Variants in MTA3 observed in about 807,000 individuals in gnomAD.
MTA3 encodes metastasis-associated protein MTA3.
In MTA3, 34 loss-of-function variants were observed where a neutral mutation model predicts 83.5. The observed-to-expected ratio is 0.41, with a 90% CI of 0.31 to 0.54. The LOEUF (loss-of-function observed/expected upper bound fraction) is 0.54. Ranked by LOEUF, MTA3 falls within the 20% of genes least tolerant of loss-of-function variation. The pLI is 0.33. For missense variants in MTA3, 761 were observed against 726.4 expected (o/e 1.05, Z -0.55); for synonymous variants, 303 against 252.7 (o/e 1.20, Z -1.89).
At chr2:42,732,164 G>A (rs1426058020) in intron 16 of MTA3, among the ~76,000 whole-genome samples, 1 of 152,180 alleles carries the variant, frequency 6.6e-6, no homozygotes, top group African/African-American at 2.4e-5. Context: ...GGGGACTCTG[G>A]CCCCACATTT....
intron 2 of MTA3, among the ~76,000 whole-genome samples, chr2:42,510,567 G>A (rs762489535): frequency 6.6e-6 from 1 of 152,208 alleles, no homozygotes; most frequent in Non-Finnish European, 1.5e-5. Flanking sequence ...TGGGCAAATT[G>A]TGAATTATAT....
chr2:42,738,477 A>G (rs185982639), intron 16 of MTA3, among the ~76,000 whole-genome samples: 251 of 152,312 alleles, frequency 1.6e-3, no homozygotes, highest in African/African-American at 5.8e-3. Context: ...TCTTTACTTC[A>G]ATCTCTTAAT....
At chr2:42,505,307 G>T (rs541434158) in intron 2 of MTA3, among the ~76,000 whole-genome samples, 7 of 152,204 alleles carry the variant, frequency 4.6e-5, no homozygotes, top group Admixed American at 1.3e-4. Context: ...CAGGAGAATC[G>T]CTTGAACCTG....
At chr2:42,496,498 C>T (rs926858280) in intron 2 of MTA3, among the ~76,000 whole-genome samples, 10 of 150,460 alleles carry the variant, frequency 6.6e-5, no homozygotes, top group Admixed American at 1.3e-4. Context: ...CTCCTAGACT[C>T]GGGATGGTAT....
intron 4 of MTA3, among the ~76,000 whole-genome samples, chr2:42,619,371 T>A: frequency 6.6e-6 from 1 of 152,206 alleles, no homozygotes; most frequent in East Asian, 1.9e-4. Context: ...TGTTCCACTT[T>A]TTGTATCTTA....
At chr2:42,640,956 G>T (rs188028052) in intron 5 of MTA3, among the ~76,000 whole-genome samples, 38 of 152,190 alleles carry the variant, frequency 2.5e-4, no homozygotes, top group African/African-American at 8.9e-4. Context: ...CCCCATTCTG[G>T]AACGCAGTGA....
intron 4 of MTA3, among the ~76,000 whole-genome samples, chr2:42,622,400 G>C (rs1292752669): frequency 6.1e-5 from 9 of 148,412 alleles, no homozygotes; most frequent in African/African-American, 2.0e-4. Flanking sequence ...ACCGTGGGGA[G>C]AGGGGTAGGG....
At chr2:42,715,559 T>C (rs950289969) in intron 14 of MTA3, among the ~76,000 whole-genome samples, 8 of 152,118 alleles carry the variant, frequency 5.3e-5, no homozygotes, top group African/African-American at 1.9e-4. Context: ...TAAAATATTA[T>C]GAGGATTAGT....
intron 6 of MTA3, among the ~76,000 whole-genome samples, chr2:42,648,888 G>A (rs1185538377): frequency 3.3e-5 from 5 of 152,142 alleles, no homozygotes; most frequent in Non-Finnish European, 5.9e-5. Context: ...ACAAGTTTGG[G>A]TAATCCTGAC....
intron 7 of MTA3, among the ~76,000 whole-genome samples, chr2:42,658,883 T>G (rs1689418595): frequency 6.8e-6 from 1 of 147,416 alleles, no homozygotes; most frequent in African/African-American, 2.5e-5. Context: ...CAGACCAGCC[T>G]GGGCAACATA....
intron 2 of MTA3, among the ~76,000 whole-genome samples, chr2:42,496,623 A>G (rs1674149235): frequency 7.0e-6 from 1 of 142,708 alleles, no homozygotes; most frequent in Admixed American, 6.9e-5. Flanking sequence ...AAAAAAAAAA[A>G]AAAAAGCAAA....
chr2:42,525,499 C>CTTCT (rs1387913172), intron 2 of MTA3, among the ~76,000 whole-genome samples: 8 of 65,242 alleles, frequency 1.2e-4, no homozygotes, highest in African/African-American at 4.9e-4. Flanking sequence ...TCCTTCCTTC[C>CTTCT]TTCCTTCCCC....
At chr2:42,652,529 A>G (rs182277144) in intron 6 of MTA3, among the ~76,000 whole-genome samples, 32 of 152,300 alleles carry the variant, frequency 2.1e-4, no homozygotes, top group Non-Finnish European at 3.4e-4. Flanking sequence ...TTTTAGAAGT[A>G]GAGAGTGGGT....
chr2:42,508,728 T>A (rs1244695443), intron 2 of MTA3, among the ~76,000 whole-genome samples: 1 of 148,454 alleles, frequency 6.7e-6, no homozygotes, highest in Non-Finnish European at 1.5e-5. Context: ...GGGGGGAATA[T>A]GTTGTATATA....
rs1677048180 is a variant in MTA3 at position 42,550,174 on chromosome 2, T to C, written c.-140-20263T>C. 1.3e-5 allele frequency among the ~76,000 whole-genome samples: 2 copies of C among 152,180 alleles called. 1 individual carries two copies. The highest frequency in any genetic ancestry group is 4.1e-4 in the South Asian group (2 of 4,830). On this transcript the variant is annotated intron_variant, in intron 2 of 17. Transcript: ENST00000405592. ...AGATCTACCATAAGAACAAATCTTA[T>C]AGCTATGAAATTGTTAAGAAGGAAA...
chr2:42,672,947 C>A (rs62142751), intron 8 of MTA3, among the ~76,000 whole-genome samples: 117,604 of 150,590 alleles, frequency 0.78, 46,512 homozygotes, highest in African/African-American at 0.9. Flanking sequence ...CCTGGGTTCA[C>A]GCGATTCTCC....
chr2:42,584,002 CCTGA>C (rs1200950918), intron 3 of MTA3, among the ~76,000 whole-genome samples: 5 of 151,922 alleles, frequency 3.3e-5, no homozygotes, highest in Admixed American at 3.3e-4. Context: ...CGCCACCATG[CCTGA>C]CTAATTTTAT....
intron 4 of MTA3, among the ~76,000 whole-genome samples, chr2:42,629,603 G>A (rs1209910081): frequency 6.6e-6 from 1 of 152,096 alleles, no homozygotes; most frequent in African/African-American, 2.4e-5. Flanking sequence ...ATCTCCTCAG[G>A]GAATTTGCAG....
chr2:42,644,036 T>G, intron 5 of MTA3, 91 bp from the exon 6 acceptor site: 1 of 718,350 alleles, frequency 1.4e-6, no homozygotes, highest in Non-Finnish European at 2.2e-6. Context: ...CTCTCTGGGG[T>G]TTATATGTTC....
Sources: gnomAD v4.1 joint callset for allele counts (sites outside exome capture counted in the v4.1 genomes callset) on GRCh38, gnomAD v4.1.1 for gene constraint, MANE v1.5 for transcripts, NCBI Gene and HGNC (gene_info 2026-07-23, HGNC 2026-07-21) for gene names.